The following HMCN1 variants were observed in gnomAD, a reference collection of about 807,000 sequenced individuals.
HMCN1 encodes hemicentin-1.
HMCN1 carries 321 observed loss-of-function variants against 625.9 expected under a neutral mutation model. That is an observed-to-expected ratio of 0.51 (90% CI 0.47 to 0.56). The LOEUF (loss-of-function observed/expected upper bound fraction) is 0.56, where lower values mean the gene tolerates loss of function less well. Ranked by LOEUF, HMCN1 falls within the 20% of genes least tolerant of loss-of-function variation. The pLI is 0.00. For synonymous variants in HMCN1, 2,425 were observed against 2,417.6 expected (o/e 1.00, Z -0.09); for missense variants, 6,588 against 6,887.3 (o/e 0.96, Z 1.54).
intron 104 of HMCN1, among the ~76,000 whole-genome samples, chr1:186,180,965 A>G (rs1481414888): frequency 6.6e-6 from 1 of 152,200 alleles, no homozygotes; most frequent in South Asian, 2.1e-4. Context: ...AATTAACACT[A>G]TGAAATCTTG....
chr1:185,846,057 C>G lies in HMCN1; in HGVS notation c.300C>G (p.Pro100=). 6.2e-7 allele frequency: 1 copy of G among 1,612,446 alleles called. No individual in the cohort carries two copies. Among genetic ancestry groups the G allele is most frequent in the Non-Finnish European group, 8.5e-7 (1 of 1,178,710 alleles). ...EIGPVTITTD[P]KKFQYELREL... The stretch of plus-strand genomic sequence containing the variant: ...GCCCAGTGACAATTACCACAGATCC[C>G]AAGAAATTTCAATATGAACTCAGAG... The change falls in exon 2 of 107, where the codon CCC becomes CCG. Residue 100 remains proline (P), a synonymous_variant. Transcript: ENST00000271588.
At chr1:186,005,512 T>G (rs993552900) in intron 29 of HMCN1, among the ~76,000 whole-genome samples, 5 of 148,928 alleles carry the variant, frequency 3.4e-5, no homozygotes, top group African/African-American at 1.0e-4. Context: ...AAACAAGTTT[T>G]TAATTGTTTA....
intron 47 of HMCN1, among the ~76,000 whole-genome samples, chr1:186,062,306 T>C (rs1038508024): frequency 1.3e-5 from 2 of 152,188 alleles, no homozygotes; most frequent in African/African-American, 4.8e-5. Flanking sequence ...ATGATTTACA[T>C]TACAATAAAA....
chr1:186,001,434 T>A lies in HMCN1; in HGVS notation c.4200+6T>A. On this transcript the variant is annotated splice_donor_region_variant and intron_variant, in intron 27 of 106. Transcript: ENST00000271588. ...GGTATAAAGATAATGTCCAGGTAAATAGAGTCATCCAAATACGTGTAATTC... is the reference window on the plus strand; with the variant it reads ...GGTATAAAGATAATGTCCAGGTAAAAAGAGTCATCCAAATACGTGTAATTC... The A allele has an allele frequency of 6.2e-7, 1 of 1,612,496 alleles. No homozygotes were observed. The highest frequency in any genetic ancestry group is 8.5e-7 in the Non-Finnish European group (1 of 1,178,798).
intron 5 of HMCN1, among the ~76,000 whole-genome samples, chr1:185,911,101 A>G (rs1666391129): frequency 1.3e-5 from 2 of 152,200 alleles, no homozygotes; most frequent in South Asian, 4.1e-4. Flanking sequence ...GCTTCATGGG[A>G]AACCGGTTAA....
intron 2 of HMCN1, among the ~76,000 whole-genome samples, chr1:185,859,995 T>C (rs1651391829): frequency 6.6e-6 from 1 of 152,116 alleles, no homozygotes; most frequent in Non-Finnish European, 1.5e-5. Flanking sequence ...AATGGCCACT[T>C]GTGATTTAAA....
At position 186,110,384 on chromosome 1, in the gene HMCN1, T is replaced by C. The variant is rs192322513; in HGVS notation, c.10989+1787T>C. Among the ~76,000 whole-genome samples, 7 of 152,000 alleles carry C rather than the reference T, an allele frequency of 4.6e-5. No individual in the cohort carries two copies. The South Asian group carries it at 1.2e-3, about 27-fold the overall frequency. ...GAGACTGAGAAGGAGGACTCAGAAATAGGATTAAAAGTAGGAGACACCGGT... is the reference window on the plus strand; with the variant it reads ...GAGACTGAGAAGGAGGACTCAGAAACAGGATTAAAAGTAGGAGACACCGGT... On this transcript the variant is annotated intron_variant, in intron 71 of 106. Transcript: ENST00000271588.
chr1:185,754,109 A>G, intron 1 of HMCN1, among the ~76,000 whole-genome samples: 1 of 152,188 alleles, frequency 6.6e-6, no homozygotes, highest in Non-Finnish European at 1.5e-5. Flanking sequence ...AAATTTTGAC[A>G]TTCATGACAA....
chr1:185,839,796 A>C (rs1255225401), intron 1 of HMCN1, among the ~76,000 whole-genome samples: 5 of 152,224 alleles, frequency 3.3e-5, no homozygotes, highest in African/African-American at 7.2e-5. Context: ...TGATCCATGC[A>C]TTATACATAT....
chr1:186,045,962 T>A, intron 41 of HMCN1, 99 bp downstream of exon 41: 1 of 851,378 alleles, frequency 1.2e-6, no homozygotes, highest in Non-Finnish European at 1.9e-6. Context: ...AGTGTTGGAC[T>A]AATTTTCTCT....
chr1:185,766,509 G>A (rs1319786230), intron 1 of HMCN1, among the ~76,000 whole-genome samples: 3 of 152,124 alleles, frequency 2.0e-5, no homozygotes, highest in African/African-American at 4.8e-5. Context: ...AACTGCACGA[G>A]TAGTCATTTT....
chr1:186,188,365 G>A (rs955796512), intron 106 of HMCN1, among the ~76,000 whole-genome samples: 5 of 152,080 alleles, frequency 3.3e-5, no homozygotes, highest in Admixed American at 6.6e-5. Flanking sequence ...GGGTGGTAAG[G>A]GCTCTGCACA....
At chr1:185,820,015 A>G (rs1660087162) in intron 1 of HMCN1, among the ~76,000 whole-genome samples, 1 of 152,208 alleles carries the variant, frequency 6.6e-6, no homozygotes, top group Non-Finnish European at 1.5e-5. Context: ...CAGGAAGGAA[A>G]AAAGCACAAT....
At chr1:185,808,219 C>T (rs962659925) in intron 1 of HMCN1, among the ~76,000 whole-genome samples, 5 of 151,924 alleles carry the variant, frequency 3.3e-5, no homozygotes, top group African/African-American at 1.2e-4. Flanking sequence ...TGGTGGTGTG[C>T]GCCTGTAATC....
At chr1:186,095,160 T>C (rs1660060869) in intron 67 of HMCN1, 83 bp from the exon 68 acceptor site, 9 of 1,341,416 alleles carry the variant, frequency 6.7e-6, no homozygotes, top group Non-Finnish European at 8.5e-6. Flanking sequence ...AGAAACATTA[T>C]AGAATTATTC....
chr1:186,005,161 T>G (rs573742913), intron 29 of HMCN1, among the ~76,000 whole-genome samples: 224 of 148,370 alleles, frequency 1.5e-3, no homozygotes, highest in Non-Finnish European at 2.8e-3. Context: ...TTATAAACAA[T>G]TTTTTAATTG....
intron 1 of HMCN1, among the ~76,000 whole-genome samples, chr1:185,815,775 A>G (rs1659808688): frequency 6.7e-6 from 1 of 150,232 alleles, no homozygotes; most frequent in Non-Finnish European, 1.5e-5. Flanking sequence ...TAATTTATGA[A>G]AGTAAATATA....
chr1:186,015,018 CATTATCAGGAG>C, intron 30 of HMCN1, 130 bp from the exon 31 acceptor site: 1 of 727,244 alleles, frequency 1.4e-6, no homozygotes, highest in Non-Finnish European at 2.3e-6. Context: ...AGAGGAAACT[CATTATCAGGAG>C]ATAAACCACA....
chr1:185,962,002 T>A (rs1332810775), intron 11 of HMCN1, among the ~76,000 whole-genome samples: 1 of 152,194 alleles, frequency 6.6e-6, no homozygotes, highest in Non-Finnish European at 1.5e-5. Context: ...GGATGTTAAA[T>A]GCTGTAGAAT....
Sources: allele counts gnomAD v4.1 joint callset (sites outside exome capture counted in the v4.1 genomes callset), GRCh38; gene constraint gnomAD v4.1.1; transcripts MANE v1.5; gene names NCBI Gene and HGNC (gene_info 2026-07-23, HGNC 2026-07-21).